The following UNC93A variants were observed in gnomAD, a reference collection of about 807,000 sequenced individuals.
The protein encoded by UNC93A is unc-93 homolog A, also known as N-acetylglucosamine transporter UNC93A.
A neutral mutation model predicts 47.5 loss-of-function variants in UNC93A; 43 were observed. The observed-to-expected ratio is 0.91, with a 90% confidence interval of 0.71 to 1.17. UNC93A has a LOEUF of 1.17. Among genes scored for constraint, UNC93A ranks in the 50% most tolerant of loss-of-function variants. The probability of loss-of-function intolerance (pLI) is 0.00; values close to 1 mark genes in which losing one functional copy is unlikely to be tolerated. For missense variants in UNC93A, 605 were observed against 577.6 expected, an observed-to-expected ratio of 1.05 and a Z score of -0.49; for synonymous variants, 280 against 258.0, an observed-to-expected ratio of 1.09 and a Z score of -0.82.
intron 1 of UNC93A, among the ~76,000 whole-genome samples, chr6:167,292,331 T>C (rs58652775): frequency 0.019 from 2,949 of 152,280 alleles, 103 homozygotes; most frequent in African/African-American, 0.067. Context: ...TCAGAGCTTC[T>C]GATGACAAAT....
chr6:167,306,081 G>A (rs1261116698), intron 6 of UNC93A, 31 bp downstream of exon 6: 7 of 1,611,020 alleles, frequency 4.3e-6, no homozygotes, highest in Non-Finnish European at 5.9e-6. Context: ...CATCCCAGCT[G>A]TCATAACGAT....
At chr6:167,280,353 A>G (rs1172186946) in intron 1 of UNC93A, among the ~76,000 whole-genome samples, 1 of 152,154 alleles carries the variant, frequency 6.6e-6, no homozygotes, top group African/African-American at 2.4e-5. Context: ...CTTTCAAGGG[A>G]AAATGCTAAA....
intron 1 of UNC93A, among the ~76,000 whole-genome samples, chr6:167,276,804 GA>G (rs1783551552): frequency 6.6e-6 from 1 of 152,188 alleles, no homozygotes; most frequent in African/African-American, 2.4e-5. Context: ...TAGAATTTAG[GA>G]AACCCCGGGA....
chr6:167,301,650 T>C (rs1583083039), intron 4 of UNC93A, among the ~76,000 whole-genome samples: 1 of 152,280 alleles, frequency 6.6e-6, no homozygotes, highest in South Asian at 2.1e-4. Context: ...CAAAGGGGTG[T>C]GGCTTCTGTG....
chr6:167,271,593 T>A (rs980796024), intron 1 of UNC93A: 5 of 152,154 alleles, frequency 3.3e-5, no homozygotes, highest in African/African-American at 9.7e-5. Flanking sequence ...CCCACTTATC[T>A]ATCATAAGTG....
chr6:167,275,783 G>A (rs529445899), intron 1 of UNC93A, among the ~76,000 whole-genome samples: 19 of 152,344 alleles, frequency 1.2e-4, no homozygotes, highest in African/African-American at 3.6e-4. Context: ...TGCTCCTCAC[G>A]GGTTGTATGC....
rs760694647 is a variant in UNC93A at position 167,297,989 on chromosome 6, T to G, written c.544T>G (p.Cys182Gly). Residue 182 changes from cysteine to glycine, a missense_variant, in exon 4 of 8, where the codon TGC becomes GGC. By Grantham distance (159) the Cys-to-Gly change is radical (BLOSUM62 -3). Transcript: ENST00000230256. The part of the protein sequence containing the change: ...EQLTSCGASD[C>G]LMATTTTNST... Reference sequence around the variant, plus strand: ...GCTCACGTCCTGTGGGGCCAGTGACTGCCTGATGGCCACCACAACCACCAA... The same window carrying G: ...GCTCACGTCCTGTGGGGCCAGTGACGGCCTGATGGCCACCACAACCACCAA... 1.7e-4 allele frequency: 278 copies of G among 1,614,020 alleles called. No individual in the cohort carries two copies. The highest frequency in any genetic ancestry group is 2.3e-4 in the Non-Finnish European group (271 of 1,180,032).
At position 167,294,521 on chromosome 6, in the gene UNC93A, G is replaced by T. The variant is rs139202559; in HGVS notation, c.92G>T (p.Ser31Ile). The change falls in exon 2 of 8, where the codon AGC becomes ATC. Residue 31 changes from serine to isoleucine, a missense_variant. Ser to Ile is a moderately radical substitution (Grantham distance 142). Transcript: ENST00000230256. ...GGGCTGGCTTTGTTCCCACAGAGCA[G>T]CCTGTACAGCGAGGAGGGCCTGGGT... is the stretch of plus-strand genomic sequence containing the variant. ...AYGGLQSLQS[S>I]LYSEEGLGVT... 15 of 1,613,892 alleles carry T rather than the reference G, an allele frequency of 9.3e-6. No homozygotes were observed. In the African/African-American group the frequency reaches 1.6e-4, roughly 17 times the overall value.
At chr6:167,310,928 T>G (rs1023752421) in intron 7 of UNC93A, among the ~76,000 whole-genome samples, 1 of 152,220 alleles carries the variant, frequency 6.6e-6, no homozygotes, top group Non-Finnish European at 1.5e-5. Context: ...GAGAAGCTCC[T>G]GTGGACTTTA....
intron 1 of UNC93A, among the ~76,000 whole-genome samples, chr6:167,292,272 A>G (rs1377100293): frequency 1.3e-5 from 2 of 152,116 alleles, no homozygotes; most frequent in Non-Finnish European, 2.9e-5. Context: ...CGGCTTATTC[A>G]TTGCCACAGT....
rs1229046933 is a variant in UNC93A at position 167,296,044 on chromosome 6, C to T, written c.282C>T (p.Ile94=). ...GNFFASWYTL[I]PTSILLGLGA... ...ATTTTACCCACAGGTACACTTTGAT[C>T]CCCACCTCCATACTGCTGGGACTCG... Residue 94 remains isoleucine, a synonymous_variant, in exon 3 of 8, where the codon ATC becomes ATT. Transcript: ENST00000230256. 6.2e-7 allele frequency: 1 copy of T among 1,614,108 alleles called. No homozygotes were observed. The highest frequency in any genetic ancestry group is 1.1e-5 in the South Asian group (1 of 91,070).
intron 1 of UNC93A, among the ~76,000 whole-genome samples, chr6:167,293,415 G>T (rs1777943636): frequency 6.6e-6 from 1 of 152,186 alleles, no homozygotes; most frequent in African/African-American, 2.4e-5. Context: ...CGGGCCTATT[G>T]TCGGCAGCTG....
upstream of UNC93A, among the ~76,000 whole-genome samples, chr6:167,288,456 A>G (rs1461832574): frequency 5.7e-4 from 12 of 21,078 alleles, no homozygotes; most frequent in Non-Finnish European, 1.3e-3. Flanking sequence ...CCTTACACAC[A>G]CACACACACA....
At chr6:167,285,637 AGC>A (rs1783713825) in intron 1 of UNC93A, among the ~76,000 whole-genome samples, 1 of 151,362 alleles carries the variant, frequency 6.6e-6, no homozygotes, top group South Asian at 2.1e-4. Context: ...CTGGTACCTG[AGC>A]TGGCATTCAG....
At chr6:167,298,505 T>C (rs1410234890) in intron 4 of UNC93A, 1 of 152,006 alleles carries the variant, frequency 6.6e-6, no homozygotes, top group Non-Finnish European at 1.5e-5. Context: ...GCCCTGAACA[T>C]CCATAATTGC....
chr6:167,309,101 C>T (rs1778485352), intron 7 of UNC93A, among the ~76,000 whole-genome samples: 1 of 152,106 alleles, frequency 6.6e-6, no homozygotes, highest in South Asian at 2.1e-4. Context: ...GCCGTTGCAC[C>T]TGTAATCCCA....
chr6:167,303,452 A>G (rs1388373452), intron 4 of UNC93A, among the ~76,000 whole-genome samples: 2 of 152,028 alleles, frequency 1.3e-5, no homozygotes, highest in African/African-American at 4.8e-5. Context: ...ACCAGTTCTT[A>G]TTGGAGGACT....
At chr6:167,312,181 G>A in intron 7 of UNC93A, among the ~76,000 whole-genome samples, 2 of 151,896 alleles carry the variant, frequency 1.3e-5, no homozygotes, top group Non-Finnish European at 2.9e-5. Flanking sequence ...TGGGGCTGTG[G>A]GTTTGCGGAG....
intron 7 of UNC93A, among the ~76,000 whole-genome samples, chr6:167,311,107 A>T (rs1399785468): frequency 6.6e-6 from 1 of 152,134 alleles, no homozygotes; most frequent in African/African-American, 2.4e-5. Context: ...AGCTCTCTTC[A>T]TTTTTGTTTT....
Sources: gnomAD v4.1 joint callset for allele counts (sites outside exome capture counted in the v4.1 genomes callset) on GRCh38, gnomAD v4.1.1 for gene constraint, MANE v1.5 for transcripts, NCBI Gene and HGNC (gene_info 2026-07-23, HGNC 2026-07-21) for gene names.